Variants in CHD9 observed in about 807,000 individuals in gnomAD.
The protein encoded by CHD9 is chromodomain helicase DNA binding protein 9, also known as ATP-dependent chromatin remodeler CHD9.
Under a neutral mutation model 316.1 loss-of-function variants are expected in CHD9, and 77 were observed. The observed-to-expected ratio is 0.24, with a 90% CI of 0.20 to 0.29. The LOEUF (loss-of-function observed/expected upper bound fraction) is 0.29, where lower values mean the gene tolerates loss of function less well. Ranked by LOEUF, CHD9 falls within the 10% of genes least tolerant of loss-of-function variation. The probability of loss-of-function intolerance (pLI) is 1.00; values close to 1 mark genes in which losing one functional copy is unlikely to be tolerated. For missense variants in CHD9, 2,763 were observed against 3,438.1 expected, an observed-to-expected ratio of 0.80 and a Z score of 4.91; for synonymous variants, 1,129 against 1,158.3, an observed-to-expected ratio of 0.97 and a Z score of 0.51.
At chr16:53,120,051 C>T (rs2038618495) in intron 1 of CHD9, among the ~76,000 whole-genome samples, 2 of 148,934 alleles carry the variant, frequency 1.3e-5, no homozygotes, top group Non-Finnish European at 3.0e-5. Context: ...CATAGGAAGA[C>T]CCCATCTCCA....
chr16:53,086,332 T>C (rs1247288911), intron 1 of CHD9, among the ~76,000 whole-genome samples: 1 of 152,206 alleles, frequency 6.6e-6, no homozygotes, highest in Non-Finnish European at 1.5e-5. Flanking sequence ...AATGGTTCCC[T>C]GAGGCCCTCC....
intron 2 of CHD9, among the ~76,000 whole-genome samples, chr16:53,183,562 T>G (rs2152810828): frequency 6.6e-6 from 1 of 152,304 alleles, no homozygotes; most frequent in African/African-American, 2.4e-5. Flanking sequence ...GTTATATAAT[T>G]AAACATTAAC....
chr16:53,304,718 G>A lies in CHD9; in HGVS notation c.6619+93G>A. On this transcript the variant is annotated intron_variant, in intron 31 of 38. Coordinates refer to ENST00000447540, the MANE Select transcript of CHD9 (RefSeq NM_001308319.2). ...CTTTTTTTTTTTTTTTTTTGAGATG[G>A]AGTTTTGCTCTTGTTGCCCAGGCTG... 2 of 1,061,122 alleles carry A rather than the reference G, an allele frequency of 1.9e-6. 1 individual carries two copies. Among genetic ancestry groups the A allele is most frequent in the Non-Finnish European group, 2.5e-6 (2 of 786,458 alleles). 65.7% of individuals were successfully genotyped at this position (1,061,122 alleles called of 1,614,324 possible).
chr16:53,248,083 T>A (rs1240530292), intron 16 of CHD9: 2 of 152,100 alleles, frequency 1.3e-5, no homozygotes, highest in Admixed American at 1.3e-4. Context: ...TCCCAGCACT[T>A]TGGGAGCCTG....
chr16:53,229,969 T>A (rs1182463395), intron 8 of CHD9, among the ~76,000 whole-genome samples: 2 of 152,172 alleles, frequency 1.3e-5, no homozygotes, highest in African/African-American at 4.8e-5. Context: ...TGTGTGTGTG[T>A]GTGTTTATTT....
At chr16:53,191,292 C>G (rs2044462131) in intron 2 of CHD9, among the ~76,000 whole-genome samples, 1 of 151,784 alleles carries the variant, frequency 6.6e-6, no homozygotes, top group African/African-American at 2.4e-5. Flanking sequence ...CTCATTCTTT[C>G]TTTTTTTGAG....
intron 18 of CHD9, 65 bp from the exon 19 acceptor site, chr16:53,255,535 G>C (rs1386814779): frequency 1.4e-6 from 2 of 1,439,324 alleles, no homozygotes; most frequent in Non-Finnish European, 1.9e-6. Flanking sequence ...ACATCCTTTA[G>C]GGATACTTTC....
chr16:53,209,669 G>C lies in CHD9; in HGVS notation c.1640G>C (p.Arg547Pro). Residue 547 changes from arginine (R) to proline (P), a missense_variant, in exon 3 of 39, where the codon CGA (arginine) becomes CCA (proline). Coordinates refer to ENST00000447540, the MANE Select transcript of CHD9 (RefSeq NM_001308319.2). The part of the protein sequence containing the change: ...AKERGERNIP[R>P]VMSPENFPTA... ...GAGCGTGGGGAACGCAATATTCCAC[G>C]AGTAATGAGCCCTGAAAACTTTCCT... 6.2e-7 allele frequency: 1 copy of C among 1,613,836 alleles called. No individual in the cohort carries two copies. Among genetic ancestry groups the C allele is most frequent in the Non-Finnish European group, 8.5e-7 (1 of 1,179,826 alleles).
At chr16:53,255,830 C>A in intron 19 of CHD9, 51 bp downstream of exon 19, 1 of 1,513,210 alleles carries the variant, frequency 6.6e-7, no homozygotes, top group Non-Finnish European at 9.1e-7. Context: ...CACATCCTAA[C>A]TACTGAGAAA....
At position 53,156,100 on chromosome 16, in the gene CHD9, C is replaced by G; in HGVS notation, c.11C>G (p.Pro4Arg). 1 of 1,611,712 alleles carries G rather than the reference C, an allele frequency of 6.2e-7. No homozygotes were observed. The highest frequency in any genetic ancestry group is 8.5e-7 in the Non-Finnish European group (1 of 1,178,688). ...TACAGAATTTTCAAGATGACAGATCCAATGATGGACTTTTTTGATGATGCC... is the reference window on the plus strand; with the variant it reads ...TACAGAATTTTCAAGATGACAGATCGAATGATGGACTTTTTTGATGATGCC... The part of the protein sequence containing the change: MTD[P>R]MMDFFDDANL... Residue 4 changes from proline (P) to arginine (R), a missense_variant, in exon 2 of 39, where the codon CCA becomes CGA. Pro to Arg is a moderately radical substitution (Grantham distance 103). This residue lies in a region of CHD9 where 859 missense variants were observed against 890.4 expected (regional missense o/e 0.96). Transcript: ENST00000447540.
At chr16:53,239,422 GA>G (rs1329195858) in intron 12 of CHD9, among the ~76,000 whole-genome samples, 4 of 151,732 alleles carry the variant, frequency 2.6e-5, no homozygotes, top group Admixed American at 2.6e-4. Context: ...CCATCTCTAC[GA>G]AAAAATTAAA....
chr16:53,255,540 A>T, intron 18 of CHD9, 60 bp from the exon 19 acceptor site: 2 of 1,473,300 alleles, frequency 1.4e-6, no homozygotes, highest in Non-Finnish European at 1.9e-6. Flanking sequence ...CTTTAGGGAT[A>T]CTTTCTCACT....
intron 1 of CHD9, among the ~76,000 whole-genome samples, chr16:53,146,419 G>A (rs60818115): frequency 0.44 from 33,851 of 76,700 alleles, 7,692 homozygotes; most frequent in African/African-American, 0.53. Flanking sequence ...GTGTGTGTAT[G>A]TATATATATA....
At chr16:53,098,075 G>A (rs995358831) in intron 1 of CHD9, among the ~76,000 whole-genome samples, 2 of 152,096 alleles carry the variant, frequency 1.3e-5, no homozygotes, top group African/African-American at 2.4e-5. Flanking sequence ...AGCCGAGATC[G>A]TGCCATTGCA....
chr16:53,281,682 T>A (rs2053430944), intron 24 of CHD9, among the ~76,000 whole-genome samples: 2 of 152,204 alleles, frequency 1.3e-5, no homozygotes, highest in Admixed American at 1.3e-4. Flanking sequence ...ACTGTGTCCC[T>A]CACCCACCAT....
intron 1 of CHD9, among the ~76,000 whole-genome samples, chr16:53,093,995 C>T (rs2036170760): frequency 6.6e-6 from 1 of 152,184 alleles, no homozygotes; most frequent in African/African-American, 2.4e-5. Flanking sequence ...TGTGCCTCTG[C>T]CCGGTGTCAG....
intron 3 of CHD9, among the ~76,000 whole-genome samples, chr16:53,218,078 G>T (rs2046932877): frequency 1.3e-5 from 2 of 151,758 alleles, no homozygotes; most frequent in Admixed American, 6.6e-5. Context: ...TCCTATCATG[G>T]AAACGTACCC....
intron 1 of CHD9, among the ~76,000 whole-genome samples, chr16:53,136,930 A>AATT (rs1253222632): frequency 6.6e-6 from 1 of 152,146 alleles, no homozygotes; most frequent in East Asian, 1.9e-4. Context: ...GAAATCATAT[A>AATT]ATAAGTGTTC....
intron 3 of CHD9, among the ~76,000 whole-genome samples, chr16:53,221,026 T>G (rs180993801): frequency 1.2e-4 from 19 of 152,340 alleles, no homozygotes; most frequent in Admixed American, 1.2e-3. Flanking sequence ...CACTTTGGCA[T>G]TTTAGCTGTG....
Sources: allele counts gnomAD v4.1 joint callset (sites outside exome capture counted in the v4.1 genomes callset), GRCh38; gene constraint gnomAD v4.1.1; regional missense constraint gnomAD v4.1.1; transcripts MANE v1.5; gene names NCBI Gene and HGNC (gene_info 2026-07-23, HGNC 2026-07-21).